DPP6: variants seen among roughly 807,000 people sequenced by gnomAD.
DPP6 encodes the protein dipeptidyl peptidase like 6.
DPP6 carries 69 observed loss-of-function variants against 122.6 expected under a neutral mutation model. The observed-to-expected ratio is 0.56, with a 90% CI of 0.46 to 0.69. The LOEUF is 0.69. Among genes scored for constraint, DPP6 ranks in the 30% least tolerant of loss-of-function variants. The pLI, the probability that DPP6 is intolerant of heterozygous loss-of-function variation, is 0.00. For synonymous variants in DPP6, 418 were observed against 433.1 expected (o/e 0.97, Z 0.43); for missense variants, 928 against 1,116.9 (o/e 0.83, Z 2.41).
chr7:154,653,384 AATGATAGATAG>A (rs1837008134), intron 6 of DPP6, among the ~76,000 whole-genome samples: 1 of 152,182 alleles, frequency 6.6e-6, no homozygotes, highest in African/African-American at 2.4e-5. Context: ...TTGATTGATA[AATGATAGATAG>A]ATGATAGATA....
chr7:154,834,311 C>CAAAA (rs3054390), intron 16 of DPP6, among the ~76,000 whole-genome samples: 31,745 of 134,370 alleles, frequency 0.24, 4,100 homozygotes, highest in Non-Finnish European at 0.27. Flanking sequence ...CTACTAAATA[C>CAAAA]AAAAAAAAAA....
intron 1 of DPP6, among the ~76,000 whole-genome samples, chr7:154,379,573 T>C (rs2151138604): frequency 6.6e-6 from 1 of 152,318 alleles, no homozygotes; most frequent in South Asian, 2.1e-4. Context: ...AGAAAGCTTG[T>C]CTTTACAGAA....
At chr7:154,190,100 T>C (rs1217348233) in intron 1 of DPP6, among the ~76,000 whole-genome samples, 1 of 152,202 alleles carries the variant, frequency 6.6e-6, no homozygotes, top group Non-Finnish European at 1.5e-5. Flanking sequence ...CTGATTGATA[T>C]GGAGGGATAA....
intron 1 of DPP6, among the ~76,000 whole-genome samples, chr7:154,205,586 CTTT>C (rs1366495013): frequency 6.6e-6 from 1 of 152,082 alleles, no homozygotes; most frequent in Non-Finnish European, 1.5e-5. Context: ...CAGTTCCCTT[CTTT>C]GAGTGATGAG....
chr7:153,789,652 A>G, the DPP6 span, among the ~76,000 whole-genome samples: 1 of 152,208 alleles, frequency 6.6e-6, no homozygotes, highest in African/African-American at 2.4e-5. Context: ...GAGAAAGAAG[A>G]AAATCACCTT....
chr7:153,954,264 A>T (rs1275650773), intron 1 of DPP6, among the ~76,000 whole-genome samples: 1 of 152,232 alleles, frequency 6.6e-6, no homozygotes, highest in Non-Finnish European at 1.5e-5. Context: ...GACAAAATAT[A>T]CATTAGTTGA....
At chr7:154,001,375 T>G (rs1004136432) in intron 1 of DPP6, among the ~76,000 whole-genome samples, 9 of 146,820 alleles carry the variant, frequency 6.1e-5, no homozygotes, top group Non-Finnish European at 1.1e-4. Flanking sequence ...TACCATCCTG[T>G]GGAGAGGATA....
intron 15 of DPP6, 61 bp from the exon 16 acceptor site, chr7:154,806,933 C>T: frequency 6.3e-7 from 1 of 1,586,926 alleles, no homozygotes; most frequent in Non-Finnish European, 8.6e-7. Flanking sequence ...GCTTGCGGCA[C>T]CCAGCGTGGA....
chr7:154,679,439 C>T (rs867545455), intron 7 of DPP6, among the ~76,000 whole-genome samples: 4 of 152,250 alleles, frequency 2.6e-5, no homozygotes, highest in South Asian at 2.1e-4. Context: ...AGCCTGCATC[C>T]GGTCCGCAGT....
At chr7:154,873,900 A>C (rs1804611814) in intron 19 of DPP6, among the ~76,000 whole-genome samples, 1 of 149,644 alleles carries the variant, frequency 6.7e-6, no homozygotes. Flanking sequence ...ACACGCACCC[A>C]CACACATAGG....
intron 1 of DPP6, among the ~76,000 whole-genome samples, chr7:153,935,419 G>A (rs764703795): frequency 2.6e-5 from 4 of 152,134 alleles, no homozygotes; most frequent in East Asian, 1.9e-4. Context: ...GAAATCCCAC[G>A]TACACCGGCC....
At chr7:154,076,719 C>A (rs539272937) in intron 1 of DPP6, among the ~76,000 whole-genome samples, 1 of 152,118 alleles carries the variant, frequency 6.6e-6, no homozygotes, top group South Asian at 2.1e-4. Flanking sequence ...TCTTTTTAAG[C>A]ATGGCGTGAA....
At chr7:154,192,737 G>A (rs1048487508) in intron 1 of DPP6, among the ~76,000 whole-genome samples, 3 of 152,244 alleles carry the variant, frequency 2.0e-5, no homozygotes, top group African/African-American at 4.8e-5. Flanking sequence ...AGTGTGGTCT[G>A]TGGAATAGAA....
chr7:153,756,108 C>T, the DPP6 span, among the ~76,000 whole-genome samples: 1 of 152,020 alleles, frequency 6.6e-6, no homozygotes, highest in East Asian at 1.9e-4. Flanking sequence ...GTACCATTCT[C>T]CAGCTTGATT....
At chr7:153,939,891 G>C (rs557512048) in intron 1 of DPP6, among the ~76,000 whole-genome samples, 1 of 152,186 alleles carries the variant, frequency 6.6e-6, no homozygotes, top group Non-Finnish European at 1.5e-5. Context: ...TGATAACATG[G>C]CAGTTCATAC....
chr7:153,940,473 C>G (rs1316604319), intron 1 of DPP6, among the ~76,000 whole-genome samples: 1 of 152,124 alleles, frequency 6.6e-6, no homozygotes, highest in Non-Finnish European at 1.5e-5. Context: ...GAAATAGTCT[C>G]TATGAGGTTG....
chr7:153,972,803 G>A (rs928957320), intron 1 of DPP6, among the ~76,000 whole-genome samples: 5 of 149,950 alleles, frequency 3.3e-5, no homozygotes, highest in South Asian at 4.2e-4. Flanking sequence ...TGTTATCTCT[G>A]AGCCTCAGTA....
intron 5 of DPP6, among the ~76,000 whole-genome samples, chr7:154,630,566 T>C (rs1326709844): frequency 6.6e-6 from 1 of 152,204 alleles, no homozygotes; most frequent in East Asian, 1.9e-4. Flanking sequence ...TGATGAGCTT[T>C]TTTTCATGTT....
At position 154,727,906 on chromosome 7, in the gene DPP6, G is replaced by GA. The variant is rs1563146399; in HGVS notation, c.883+25dup. ...TATGAAGGTAAGATGTGCACAGAGAGAAAAAAGGAAGATTTGTGGTTGCTG... is the reference window on the plus strand; with the variant it reads ...TATGAAGGTAAGATGTGCACAGAGAGAAAAAAAGGAAGATTTGTGGTTGCTG... On this transcript the variant is annotated intron_variant, in intron 8 of 25. Transcript: ENST00000377770. 3 of 1,560,732 alleles carry GA rather than the reference G, an allele frequency of 1.9e-6. No homozygotes were observed. The highest frequency in any genetic ancestry group is 1.7e-6 in the Non-Finnish European group (2 of 1,150,630).
Sources: gnomAD v4.1 joint callset for allele counts (sites outside exome capture counted in the v4.1 genomes callset) on GRCh38, gnomAD v4.1.1 for gene constraint, MANE v1.5 for transcripts, NCBI Gene and HGNC (gene_info 2026-07-23, HGNC 2026-07-21) for gene names.